The following KXD1 variants were observed in gnomAD, a reference collection of about 807,000 sequenced individuals.
KXD1 encodes the protein kxDL motif-containing protein 1.
In KXD1, 5 loss-of-function variants were observed where a neutral mutation model predicts 12.1. The ratio of observed to expected loss-of-function variants is 0.41; its 90% CI spans 0.22 to 0.87. The LOEUF (loss-of-function observed/expected upper bound fraction) is 0.87, where lower values mean the gene tolerates loss of function less well. KXD1 is among the 40% of genes least tolerant of loss of function. The probability of loss-of-function intolerance (pLI) is 0.31; values close to 1 mark genes in which losing one functional copy is unlikely to be tolerated. For missense variants in KXD1, 193 were observed against 244.9 expected (o/e 0.79, Z 1.41); for synonymous variants, 98 against 100.5 (o/e 0.98, Z 0.15).
intron 3 of KXD1, 54 bp downstream of exon 3, chr19:18,565,075 C>G (rs1975139996): frequency 6.3e-7 from 1 of 1,586,434 alleles, no homozygotes; most frequent in African/African-American, 1.3e-5. Flanking sequence ...ACCTCCCCAT[C>G]TGAGCCTCAG....
chr19:18,568,708 G>A lies in KXD1; in HGVS notation c.*77G>A, dbSNP rs1436080950. ...GCAGCGGGTAACCCTGCCTTGTTCT[G>A]TCATCCAGGGCTCCTTTGCTGCCCC... On this transcript the variant is annotated 3_prime_UTR_variant, in exon 5 of 5. Coordinates refer to ENST00000222307, the MANE Select transcript of KXD1 (RefSeq NM_024069.4). 9.0e-7 allele frequency: 1 copy of A among 1,115,522 alleles called. No individual in the cohort carries two copies. Among genetic ancestry groups the A allele is most frequent in the Non-Finnish European group, 1.3e-6 (1 of 770,090 alleles). The allele number at this position is 1,115,522 out of a possible 1,614,324, so 69.1% of individuals were successfully genotyped here.
rs765432539 is a variant in KXD1, at chr19:18,568,357, G to A, written c.302-45G>A. The A allele has an allele frequency of 3.5e-6, 5 of 1,446,390 alleles. No individual in the cohort carries two copies. The East Asian group carries it at 9.1e-5, about 26-fold the overall frequency. 89.6% of individuals were successfully genotyped at this position (1,446,390 alleles called of 1,614,324 possible). A position where few individuals can be genotyped will look rare whatever the true frequency, so the allele number is the denominator to read the frequency against. ...TGGACAATAAGTCCTACATCACAGA[G>A]CTTGGCAAGGTGACAAAACCAACTC... On this transcript the variant is annotated intron_variant, in intron 4 of 4. Transcript: ENST00000222307.
chr19:18,564,227 A>C (rs1975083950), intron 2 of KXD1, among the ~76,000 whole-genome samples: 1 of 151,974 alleles, frequency 6.6e-6, no homozygotes, highest in African/African-American at 2.4e-5. Flanking sequence ...TGGCTCTGGG[A>C]AACTTCTAGA....
chr19:18,568,310 A>T, intron 4 of KXD1, 92 bp from the exon 5 acceptor site: 3 of 829,986 alleles, frequency 3.6e-6, no homozygotes, highest in Non-Finnish European at 6.0e-6. Flanking sequence ...CCATGGGGTG[A>T]GGGCAGCCGT....
chr19:18,564,807 G>A, intron 2 of KXD1, 62 bp from the exon 3 acceptor site: 2 of 1,590,386 alleles, frequency 1.3e-6, no homozygotes, highest in Non-Finnish European at 1.7e-6. Context: ...CAGTCTTCTG[G>A]GCCAGGTTGG....
intron 1 of KXD1, chr19:18,561,814 C>T (rs1743915806): frequency 7.7e-6 from 3 of 389,848 alleles, no homozygotes; most frequent in Middle Eastern, 6.6e-4. Context: ...TGCTTGGGTA[C>T]AGTTTACAAA....
intron 1 of KXD1, 26 bp from the exon 2 acceptor site, chr19:18,562,010 G>C (rs745319373): frequency 6.6e-7 from 1 of 1,525,874 alleles, no homozygotes; most frequent in Non-Finnish European, 9.0e-7. Flanking sequence ...GACTAGTGCA[G>C]ACCACTCTGT....
Position 18,565,207 on chromosome 19 carries a change from A to C in KXD1, c.254+186A>C, listed in dbSNP as rs1244536573. 4 of 1,273,852 alleles carry C rather than the reference A, an allele frequency of 3.1e-6. No homozygotes were observed. The African/African-American group carries it at 6.1e-5, about 19-fold the overall frequency. 78.9% of individuals were successfully genotyped at this position (1,273,852 alleles called of 1,614,324 possible). A position where few individuals can be genotyped will look rare whatever the true frequency, so the allele number is the denominator to read the frequency against. ...AATCTTGACGTAAGTTTATTTACTG[A>C]TTGATTAATTGATCGAGACAGAGTT... On this transcript the variant is annotated intron_variant, in intron 3 of 4. Transcript: ENST00000222307.
At chr19:18,568,038 C>T (rs1332486225) in intron 4 of KXD1, among the ~76,000 whole-genome samples, 2 of 152,062 alleles carry the variant, frequency 1.3e-5, no homozygotes, top group Non-Finnish European at 2.9e-5. Flanking sequence ...GAGGCTGAGG[C>T]GGGTGGATCA....
At position 18,563,403 on chromosome 19, in the gene KXD1, A is replaced by G. The variant is rs115554339; in HGVS notation, c.101+1246A>G. Among the ~76,000 whole-genome samples, 393 of 149,492 alleles carry G rather than the reference A, an allele frequency of 2.6e-3. 1 individual carries two copies. Among genetic ancestry groups the G allele is most frequent in the African/African-American group, 7.9e-3 (318 of 40,330 alleles). ...ACTCTGTCGCCCAGGCTGGAATGCA[A>G]TAGCATAATTGCTGCTCACTACATC... On this transcript the variant is annotated intron_variant, in intron 2 of 4. Transcript: ENST00000222307.
chr19:18,565,230 G>GTTTT, intron 3 of KXD1: 123 of 1,089,740 alleles, frequency 1.1e-4, no homozygotes, highest in South Asian at 2.8e-4. Context: ...TCGAGACAGA[G>GTTTT]TTTTTTTTTT....
chr19:18,565,915 T>C (rs561908342), intron 3 of KXD1, among the ~76,000 whole-genome samples: 64 of 152,344 alleles, frequency 4.2e-4, no homozygotes, highest in Non-Finnish European at 8.2e-4. Flanking sequence ...CTCAAACTCC[T>C]GAGCTCCAGC....
chr19:18,567,422 A>C (rs1009786828), intron 4 of KXD1: 1 of 672,488 alleles, frequency 1.5e-6, no homozygotes, highest in African/African-American at 1.8e-5. Flanking sequence ...GTGGATAAGC[A>C]GCATGACAAT....
chr19:18,564,735 C>T (rs915876804), intron 2 of KXD1, 134 bp from the exon 3 acceptor site: 1 of 978,962 alleles, frequency 1.0e-6, no homozygotes, highest in Non-Finnish European at 1.5e-6. Flanking sequence ...GTAGGTAGAA[C>T]TCTGCAGGAC....
intron 1 of KXD1, chr19:18,559,278 C>T (rs1312671084): frequency 6.6e-6 from 1 of 152,092 alleles, no homozygotes. Flanking sequence ...CATGAGCACC[C>T]GGTCCAGGTA....
At chr19:18,561,560 G>T (rs376677524) in intron 1 of KXD1, 3 of 152,314 alleles carry the variant, frequency 2.0e-5, no homozygotes, top group African/African-American at 7.2e-5. Context: ...GTATCAAAAA[G>T]AAATAAAAAA....
At chr19:18,565,166 TC>T (rs1200890104) in intron 3 of KXD1, 145 bp downstream of exon 3, 1 of 1,438,682 alleles carries the variant, frequency 7.0e-7, no homozygotes, top group African/African-American at 1.4e-5. Context: ...CTGGGACAAT[TC>T]CAACCCTGGG....
intron 2 of KXD1, 50 bp from the exon 3 acceptor site, chr19:18,564,819 C>T: frequency 6.2e-7 from 1 of 1,604,024 alleles, no homozygotes; most frequent in Non-Finnish European, 8.5e-7. Context: ...CCAGGTTGGG[C>T]AGGGCCCTGA....
At chr19:18,566,212 A>T (rs1975218616) in intron 3 of KXD1, among the ~76,000 whole-genome samples, 1 of 152,120 alleles carries the variant, frequency 6.6e-6, no homozygotes, top group South Asian at 2.1e-4. Context: ...GCACTTTGGG[A>T]GGCCGAGGCA....
Sources: gnomAD v4.1 joint callset for allele counts (sites outside exome capture counted in the v4.1 genomes callset) on GRCh38, gnomAD v4.1.1 for gene constraint, MANE v1.5 for transcripts, NCBI Gene and HGNC (gene_info 2026-07-23, HGNC 2026-07-21) for gene names.